Variants in PAPLN observed in about 807,000 individuals in gnomAD.
The protein encoded by PAPLN is papilin, proteoglycan like sulfated glycoprotein, also known as papilin.
A neutral mutation model predicts 159.0 loss-of-function variants in PAPLN; 146 were observed. That is an observed-to-expected ratio of 0.92 (90% CI 0.80 to 1.05). The LOEUF is 1.05. Among genes scored for constraint, PAPLN ranks in the 50% least tolerant of loss-of-function variants. The pLI, the probability that PAPLN is intolerant of heterozygous loss-of-function variation, is 0.00. For synonymous variants in PAPLN, 734 were observed against 702.9 expected, an observed-to-expected ratio of 1.04 and a Z score of -0.70; for missense variants, 1,720 against 1,743.9, an observed-to-expected ratio of 0.99 and a Z score of 0.24.
intron 12 of PAPLN, 42 bp from the exon 13 acceptor site, chr14:73,254,470 TG>T: frequency 1.2e-6 from 2 of 1,603,368 alleles, no homozygotes; most frequent in Non-Finnish European, 1.7e-6. Context: ...GCGTGGCTCC[TG>T]GGGGCAAGGC....
chr14:73,265,399 T>G lies in PAPLN; in HGVS notation c.3155T>G (p.Val1052Gly), dbSNP rs775927634. ...CGTTTGGACCAGAACCAGCCCCGGG[T>G]GGTGGATGCCAGTCCAGGCCAGCGG... ...RLRLDQNQPR[V>G]VDASPGQRIR... is the part of the protein sequence containing the mutation. The change falls in exon 23 of 27, where the codon GTG (valine) becomes GGG (glycine). Residue 1052 changes from valine to glycine, a missense_variant. Physicochemically the swap from Val to Gly is moderately radical, Grantham distance 109 (BLOSUM62 -3). Transcript: ENST00000644200. This position sits in a 1 kb window ranked among gnomAD's most constrained non-coding sequence, Gnocchi z 4.1. 6.2e-7 allele frequency: 1 copy of G among 1,611,524 alleles called. No individual in the cohort carries two copies. Among genetic ancestry groups the G allele is most frequent in the Non-Finnish European group, 8.5e-7 (1 of 1,179,940 alleles).
chr14:73,262,837 A>C lies in PAPLN; in HGVS notation c.2723+10A>C, dbSNP rs1428414451. The C allele has an allele frequency of 1.4e-6, 2 of 1,455,184 alleles. No individual in the cohort carries two copies. The highest frequency in any genetic ancestry group is 2.5e-5 in the East Asian group (1 of 40,398). The allele number at this position is 1,455,184 out of a possible 1,614,324, so 90.1% of individuals were successfully genotyped here. A position where few individuals can be genotyped will look rare whatever the true frequency, so the allele number is the denominator to read the frequency against. On this transcript the variant is annotated intron_variant, in intron 19 of 26. Transcript: ENST00000644200. ...ACAGCTCCTCCTACAGGTGAGGCCC[A>C]CCTTCCCCAGGTGAGGGGGTTAGGA... is the stretch of plus-strand genomic sequence containing the variant.
intron 21 of PAPLN, 88 bp from the exon 22 acceptor site, chr14:73,264,500 G>A (rs987418448): frequency 2.3e-4 from 355 of 1,526,530 alleles, no homozygotes; most frequent in East Asian, 3.2e-4. Flanking sequence ...TCATTTCTCC[G>A]TAAGTCCCTG....
At chr14:73,263,823 G>T in intron 20 of PAPLN, 41 bp downstream of exon 20, 1 of 1,561,858 alleles carries the variant, frequency 6.4e-7, no homozygotes, top group East Asian at 2.4e-5. Flanking sequence ...AGGTGTGACA[G>T]CCCCCCTACC....
At chr14:73,243,771 C>T (rs968026947) in intron 2 of PAPLN, 1 of 152,164 alleles carries the variant, frequency 6.6e-6, no homozygotes, top group Non-Finnish European at 1.5e-5. Flanking sequence ...AATAACAGTT[C>T]TTCAATAAGA....
At chr14:73,252,849 C>T (rs1463775993) in intron 11 of PAPLN, 74 bp downstream of exon 11, 30 of 1,588,290 alleles carry the variant, frequency 1.9e-5, no homozygotes, top group Non-Finnish European at 2.6e-5. Context: ...GGCCTCCAAG[C>T]TGCTTTAGGT....
rs1467403894 is a variant in PAPLN at position 73,237,592 on chromosome 14, G to A, written c.-7G>A. 1 of 152,260 alleles carries A rather than the reference G, an allele frequency of 6.6e-6. No individual in the cohort carries two copies. The highest frequency in any genetic ancestry group is 2.1e-4 in the South Asian group (1 of 4,836). The allele number at this position is 152,260 out of a possible 1,614,324, so 9.4% of individuals were successfully genotyped here. On this transcript the variant is annotated splice_region_variant and 5_prime_UTR_variant, in exon 1 of 27. Coordinates refer to ENST00000644200, the MANE Select transcript of PAPLN (RefSeq NM_001365906.3). ...CAGCCTCCCGGCGCCAGCGAAGACA[G>A]GTAGGGAGGCGGAGGGACTGGAAGC...
At position 73,250,962 on chromosome 14, in the gene PAPLN, G is replaced by T. The variant is rs367760649; in HGVS notation, c.521G>T (p.Arg174Leu). 3 of 1,613,744 alleles carry T rather than the reference G, an allele frequency of 1.9e-6. No homozygotes were observed. The Admixed American group carries it at 5.0e-5, about 27-fold the overall frequency. The part of the protein sequence containing the change: ...DSSKQEDKCL[R>L]CGGDGTTCYP... ...TCCAAGCAGGAGGACAAGTGTCTGCGGTGTGGGGGTGACGGCACGACCTGC... is the reference window on the plus strand; with the variant it reads ...TCCAAGCAGGAGGACAAGTGTCTGCTGTGTGGGGGTGACGGCACGACCTGC... Residue 174 changes from arginine (R) to leucine (L), a missense_variant, in exon 7 of 27, where the codon CGG becomes CTG. Coordinates refer to ENST00000644200, the MANE Select transcript of PAPLN (RefSeq NM_001365906.3).
At chr14:73,244,086 A>G (rs1883913971) in intron 2 of PAPLN, 1 of 157,432 alleles carries the variant, frequency 6.4e-6, no homozygotes, top group African/African-American at 2.4e-5. Flanking sequence ...ATGAGAACTA[A>G]GTGATGTAGC....
rs780842617 is a variant in PAPLN at position 73,260,758 on chromosome 14, G to C, written c.2035G>C (p.Ala679Pro). 2 of 1,475,426 alleles carry C rather than the reference G, an allele frequency of 1.4e-6. No homozygotes were observed. Among genetic ancestry groups the C allele is most frequent in the African/African-American group, 1.4e-5 (1 of 69,372 alleles). The allele number at this position is 1,475,426 out of a possible 1,614,324, so 91.4% of individuals were successfully genotyped here. A position where few individuals can be genotyped will look rare whatever the true frequency, so the allele number is the denominator to read the frequency against. ...ATCTGTCGCTGAGGGGCCCCATCAC[G>C]CTGGCTGCACAAAGTCGTATGGTGG... ...RVSVAEGPHH[A>P]GCTKSYGGDS... is the part of the protein sequence containing the mutation. The change falls in exon 17 of 27, where the codon GCT becomes CCT. Residue 679 changes from alanine to proline, a missense_variant. Transcript: ENST00000644200.
chr14:73,268,701 C>T lies in PAPLN; in HGVS notation c.3645C>T (p.Thr1215=), dbSNP rs761144172. The change falls in exon 26 of 27, where the codon ACC becomes ACT. Residue 1215 remains threonine (T), a synonymous_variant. Transcript: ENST00000644200. ...GGAGCCAGGCAGTCAGCCGCAGCAC[C>T]GAGGTGAAGGTGGTCTCACCAGGTA... The part of the protein sequence containing the change: ...YQGSQAVSRS[T]EVKVVSPAPT... 35 of 1,612,374 alleles carry T rather than the reference C, an allele frequency of 2.2e-5. 1 individual carries two copies. In the South Asian group the frequency reaches 2.5e-4, roughly 12 times the overall value.
Position 73,273,831 on chromosome 14 carries a change from T to C in PAPLN, c.*1167T>C, listed in dbSNP as rs2140326099. 6.6e-6 allele frequency: 1 copy of C among 152,360 alleles called. No homozygotes were observed. Among genetic ancestry groups the C allele is most frequent in the African/African-American group, 2.4e-5 (1 of 41,584 alleles). The allele number at this position is 152,360 out of a possible 1,614,324, so 9.4% of individuals were successfully genotyped here. ...GTGCAGAGGGTTAACAGCATAACCCTTGTTGGCAAAATGGAATAGATGTTA... is the reference window on the plus strand; with the variant it reads ...GTGCAGAGGGTTAACAGCATAACCCCTGTTGGCAAAATGGAATAGATGTTA... On this transcript the variant is annotated 3_prime_UTR_variant, in exon 27 of 27. Transcript: ENST00000644200.
At chr14:73,260,387 A>G (rs1319433847) in intron 16 of PAPLN, among the ~76,000 whole-genome samples, 1 of 152,086 alleles carries the variant, frequency 6.6e-6, no homozygotes, top group Non-Finnish European at 1.5e-5. Context: ...CCCCGCTGTG[A>G]ACTGACATTT....
intron 2 of PAPLN, among the ~76,000 whole-genome samples, chr14:73,241,611 C>T (rs538348832): frequency 1.3e-5 from 2 of 152,212 alleles, no homozygotes; most frequent in African/African-American, 4.8e-5. Context: ...CTGGGCGCAG[C>T]CTGGGCTGAG....
In PAPLN at chr14:73,245,639, AGAT is replaced by A; in HGVS notation, c.176_178del (p.Asp59del). 1 of 1,559,444 alleles carries A rather than the reference AGAT, an allele frequency of 6.4e-7. No individual in the cohort carries two copies. The highest frequency in any genetic ancestry group is 8.7e-7 in the Non-Finnish European group (1 of 1,153,140). ...TCCCGGTGCTCTGGTCCCGCAGGAG[AGAT>A]GGAGGCTCCAGCTGCGTGGGCCCCG... is the stretch of plus-strand genomic sequence containing the variant. On this transcript the variant is annotated inframe_deletion, in exon 4 of 27. Transcript: ENST00000644200. The surrounding 1 kb of genome is among the most constrained non-coding windows in gnomAD (Gnocchi z 4.2).
At chr14:73,248,948 T>A (rs539301218) in intron 5 of PAPLN, among the ~76,000 whole-genome samples, 1 of 152,106 alleles carries the variant, frequency 6.6e-6, no homozygotes, top group Non-Finnish European at 1.5e-5. Flanking sequence ...CTGGGTATCG[T>A]AGTGAGACCC....
chr14:73,266,109 C>T (rs968447220), intron 23 of PAPLN, among the ~76,000 whole-genome samples: 22 of 152,168 alleles, frequency 1.4e-4, no homozygotes, highest in South Asian at 4.1e-4. Flanking sequence ...GAGGCCGAGA[C>T]GGGGGTGGAT....
At chr14:73,257,538 G>A (rs1001020163) in intron 14 of PAPLN, among the ~76,000 whole-genome samples, 7 of 151,848 alleles carry the variant, frequency 4.6e-5, no homozygotes, top group African/African-American at 9.7e-5. Flanking sequence ...GAAAATTTTA[G>A]GGATGTTGTT....
chr14:73,239,706 A>G (rs1166290681), intron 1 of PAPLN, 67 bp from the exon 2 acceptor site: 3 of 1,531,608 alleles, frequency 2.0e-6, no homozygotes, highest in Non-Finnish European at 1.7e-6. Context: ...GCGCCCACAC[A>G]CTCTCGCCCG....
Sources: allele counts gnomAD v4.1 joint callset (sites outside exome capture counted in the v4.1 genomes callset), GRCh38; gene constraint gnomAD v4.1.1; non-coding constraint Gnocchi (gnomAD v3.1); transcripts MANE v1.5; gene names NCBI Gene and HGNC (gene_info 2026-07-23, HGNC 2026-07-21).